The following PIN1 variants were observed in gnomAD, a reference collection of about 807,000 sequenced individuals.
PIN1 encodes peptidyl-prolyl cis-trans isomerase NIMA-interacting 1.
A neutral mutation model predicts 19.9 loss-of-function variants in PIN1; 8 were observed. The ratio of observed to expected loss-of-function variants is 0.40; its 90% confidence interval spans 0.24 to 0.72. PIN1 has a LOEUF of 0.72. PIN1 is among the 30% of genes least tolerant of loss of function. The probability of loss-of-function intolerance (pLI) is 0.37; values close to 1 mark genes in which losing one functional copy is unlikely to be tolerated. For missense variants in PIN1, 185 were observed against 226.5 expected, an observed-to-expected ratio of 0.82 and a Z score of 1.18; for synonymous variants, 86 against 90.8, an observed-to-expected ratio of 0.95 and a Z score of 0.30.
In PIN1 at chr19:9,846,801, G is replaced by A. The variant is rs1599454801; in HGVS notation, c.272-1229G>A. Reference sequence around the variant, plus strand: ...GTCATGGCATCATTTAGGTCAGAAGGAGCAAGGGTAGAAGTGTCAGGGTGA... The same window carrying A: ...GTCATGGCATCATTTAGGTCAGAAGAAGCAAGGGTAGAAGTGTCAGGGTGA... On this transcript the variant is annotated intron_variant, in intron 2 of 3. Transcript: ENST00000247970. The surrounding 1 kb of genome is among the most constrained non-coding windows in gnomAD (Gnocchi z 5.9). Among the ~76,000 whole-genome samples the A allele has an allele frequency of 6.6e-6, 1 of 152,166 alleles. No individual in the cohort carries two copies. The highest frequency in any genetic ancestry group is 1.5e-5 in the Non-Finnish European group (1 of 68,014).
intron 2 of PIN1, 131 bp from the exon 3 acceptor site, chr19:9,847,899 C>T (rs2046236619): frequency 1.0e-5 from 7 of 703,304 alleles, no homozygotes; most frequent in East Asian, 2.7e-5. Flanking sequence ...GGAGCATGTG[C>T]GCCTGTGAGG....
Position 9,849,254 on chromosome 19 carries a change from G to C in PIN1, c.*55G>C, listed in dbSNP as rs1242973168. ...CAGGGCAGGGCGGCTAGGCCGGCCA[G>C]CTCCCCCTTGCCCGCCAGCCAGTGG... is the stretch of plus-strand genomic sequence containing the variant. On this transcript the variant is annotated 3_prime_UTR_variant, in exon 4 of 4. Coordinates refer to ENST00000247970, the MANE Select transcript of PIN1 (RefSeq NM_006221.4). The C allele has an allele frequency of 8.3e-7, 1 of 1,198,202 alleles. No individual in the cohort carries two copies. Among genetic ancestry groups the C allele is most frequent in the Non-Finnish European group, 1.2e-6 (1 of 824,328 alleles). 74.2% of individuals were successfully genotyped at this position (1,198,202 alleles called of 1,614,324 possible). A position where few individuals can be genotyped will look rare whatever the true frequency, so the allele number is the denominator to read the frequency against.
chr19:9,835,715 C>T (rs2046096200), intron 1 of PIN1: 1 of 398,472 alleles, frequency 2.5e-6, no homozygotes, highest in Non-Finnish European at 4.4e-6. Context: ...CGGGGGACGT[C>T]TCTGCACCTT....
chr19:9,836,520 T>C, intron 1 of PIN1: 1 of 240,764 alleles, frequency 4.2e-6, no homozygotes, highest in African/African-American at 2.2e-5. Context: ...TGCCCAGCTC[T>C]GGGCCCATTT....
chr19:9,836,679 C>T (rs1297007346), intron 1 of PIN1: 6 of 416,920 alleles, frequency 1.4e-5, no homozygotes, highest in Non-Finnish European at 2.7e-5. Context: ...TCATACCCCT[C>T]ACTCCCTGGG....
At position 9,849,570 on chromosome 19, in the gene PIN1, T is replaced by A; in HGVS notation, c.*371T>A. The A allele has an allele frequency of 1.8e-6, 1 of 568,002 alleles. No homozygotes were observed. Among genetic ancestry groups the A allele is most frequent in the South Asian group, 1.4e-5 (1 of 71,996 alleles). The allele number at this position is 568,002 out of a possible 1,614,324, so 35.2% of individuals were successfully genotyped here. ...GACTCGAGGGCCGAATTGTTTCTAG[T>A]TAGGCCACGCTCCTCTGTTCAGTCG... On this transcript the variant is annotated 3_prime_UTR_variant, in exon 4 of 4. Transcript: ENST00000247970.
chr19:9,848,975 G>A (rs2046247676), intron 3 of PIN1, 115 bp from the exon 4 acceptor site: 1 of 693,094 alleles, frequency 1.4e-6, no homozygotes, highest in Admixed American at 2.2e-5. Context: ...GTGTGGACGA[G>A]TGTGAGGCTC....
chr19:9,836,929 T>C (rs968319275), intron 1 of PIN1: 3 of 981,254 alleles, frequency 3.1e-6, no homozygotes, highest in Non-Finnish European at 4.2e-6. Context: ...GCTATCCCAC[T>C]CTTAATGTGT....
Position 9,838,040 on chromosome 19 carries a change from T to A in PIN1, c.59-396T>A, listed in dbSNP as rs910610289. The stretch of plus-strand genomic sequence containing the variant: ...AGAACACCAAGGCCCAGGGAAGATA[T>A]ATCACATTTGAACCCAGATTCAGAT... On this transcript the variant is annotated intron_variant, in intron 1 of 3. Coordinates refer to ENST00000247970, the MANE Select transcript of PIN1 (RefSeq NM_006221.4). The surrounding 1 kb of genome is among the most constrained non-coding windows in gnomAD (Gnocchi z 5.8). 9.3e-6 allele frequency: 3 copies of A among 323,608 alleles called. No individual in the cohort carries two copies. The highest frequency in any genetic ancestry group is 6.4e-5 in the African/African-American group (3 of 46,734). The allele number at this position is 323,608 out of a possible 1,614,324, so 20.0% of individuals were successfully genotyped here. A position where few individuals can be genotyped will look rare whatever the true frequency, so the allele number is the denominator to read the frequency against.
At position 9,849,085 on chromosome 19, in the gene PIN1, C is replaced by T. The variant is rs1488607453; in HGVS notation, c.383-5C>T. On this transcript the variant is annotated splice_polypyrimidine_tract_variant and splice_region_variant and intron_variant, in intron 3 of 3. Transcript: ENST00000247970. Reference sequence around the variant, plus strand: ...GACACCCCCACCGCCCCTCCTGGCTCCCAGGTCAGATGCAGAAGCCATTTG... The same window carrying T: ...GACACCCCCACCGCCCCTCCTGGCTTCCAGGTCAGATGCAGAAGCCATTTG... 2 of 1,606,580 alleles carry T rather than the reference C, an allele frequency of 1.2e-6. No individual in the cohort carries two copies. The highest frequency in any genetic ancestry group is 1.3e-5 in the African/African-American group (1 of 74,800).
At chr19:9,847,008 G>A (rs918345797) in intron 2 of PIN1, among the ~76,000 whole-genome samples, 1 of 152,144 alleles carries the variant, frequency 6.6e-6, no homozygotes, top group Non-Finnish European at 1.5e-5. Context: ...TGGAAGGGAC[G>A]CCCGTTTGTG....
intron 2 of PIN1, among the ~76,000 whole-genome samples, chr19:9,841,687 C>T (rs1358300574): frequency 6.6e-6 from 1 of 152,142 alleles, no homozygotes; most frequent in Non-Finnish European, 1.5e-5. Context: ...GTGGAAGGCC[C>T]AGAACCTTCA....
chr19:9,840,406 CA>C (rs998279228), intron 2 of PIN1, among the ~76,000 whole-genome samples: 19 of 150,310 alleles, frequency 1.3e-4, no homozygotes, highest in Non-Finnish European at 2.4e-4. Flanking sequence ...AAAACAAAAA[CA>C]AAAAAAAACA....
Position 9,846,657 on chromosome 19 carries a change from T to C in PIN1, c.272-1373T>C, listed in dbSNP as rs2046223267. Reference sequence around the variant, plus strand: ...CAGTGTGTTCAGCAGGTGCCACGGTTGGGTGTCCAGGCCTCCCAGCACTGG... The same window carrying C: ...CAGTGTGTTCAGCAGGTGCCACGGTCGGGTGTCCAGGCCTCCCAGCACTGG... On this transcript the variant is annotated intron_variant, in intron 2 of 3. Coordinates refer to ENST00000247970, the MANE Select transcript of PIN1 (RefSeq NM_006221.4). The surrounding 1 kb of genome is among the most constrained non-coding windows in gnomAD (Gnocchi z 5.9). Among the ~76,000 whole-genome samples, 1 of 152,192 alleles carries C rather than the reference T, an allele frequency of 6.6e-6. No homozygotes were observed. Among genetic ancestry groups the C allele is most frequent in the Non-Finnish European group, 1.5e-5 (1 of 68,018 alleles).
At chr19:9,848,220 GGCTCCCAGGT>G in intron 3 of PIN1, 80 bp downstream of exon 3, 1 of 840,756 alleles carries the variant, frequency 1.2e-6, no homozygotes, top group Non-Finnish European at 2.0e-6. Context: ...CTGGGCATTG[GGCTCCCAGGT>G]GCCACACCGG....
At chr19:9,841,512 C>T (rs532721919) in intron 2 of PIN1, among the ~76,000 whole-genome samples, 6 of 152,282 alleles carry the variant, frequency 3.9e-5, no homozygotes, top group East Asian at 1.9e-4. Flanking sequence ...AGACCCTTCA[C>T]GGGCAGGTCC....
At chr19:9,839,836 A>G (rs1011470096) in intron 2 of PIN1, among the ~76,000 whole-genome samples, 5 of 152,032 alleles carry the variant, frequency 3.3e-5, no homozygotes, top group Admixed American at 3.3e-4. Flanking sequence ...CCCCGTCTCT[A>G]AAAAAATAAA....
At chr19:9,844,606 T>G (rs1193988520) in intron 2 of PIN1, among the ~76,000 whole-genome samples, 1 of 152,178 alleles carries the variant, frequency 6.6e-6, no homozygotes, top group Non-Finnish European at 1.5e-5. Context: ...CCACCCTGTG[T>G]CTGTGTGGTT....
intron 2 of PIN1, among the ~76,000 whole-genome samples, chr19:9,839,311 G>A (rs1224418081): frequency 6.6e-6 from 1 of 151,586 alleles, no homozygotes; most frequent in Non-Finnish European, 1.5e-5. Context: ...ACGCATGCCT[G>A]TAATCCCAGC....
Sources: gnomAD v4.1 joint callset for allele counts (sites outside exome capture counted in the v4.1 genomes callset) on GRCh38, gnomAD v4.1.1 for gene constraint, Gnocchi (gnomAD v3.1) non-coding constraint, MANE v1.5 for transcripts, NCBI Gene and HGNC (gene_info 2026-07-23, HGNC 2026-07-21) for gene names.